Variants in NBEAL2 observed in about 807,000 individuals in gnomAD.
The protein encoded by NBEAL2 is neurobeachin like 2, also known as neurobeachin-like protein 2.
Under a neutral mutation model 299.8 loss-of-function variants are expected in NBEAL2, and 160 were observed. The ratio of observed to expected loss-of-function variants is 0.53; its 90% CI spans 0.47 to 0.61. NBEAL2 has a LOEUF of 0.61. Ranked by LOEUF, NBEAL2 falls within the 20% of genes least tolerant of loss-of-function variation. The pLI is 0.00. For missense variants in NBEAL2, 3,112 were observed against 3,649.0 expected (o/e 0.85, Z 3.79); for synonymous variants, 1,493 against 1,542.3 (o/e 0.97, Z 0.75).
Position 46,995,556 on chromosome 3 carries a change from C to T in NBEAL2, c.1821C>T (p.Ala607=), listed in dbSNP as rs1181921089. The T allele has an allele frequency of 6.2e-7, 1 of 1,612,822 alleles. No individual in the cohort carries two copies. The highest frequency in any genetic ancestry group is 8.5e-7 in the Non-Finnish European group (1 of 1,179,888). ...RWPGPGFTFH[A]WLCLHPMDTA... ...CAGGGCCTGGCTTCACCTTTCATGC[C>T]TGGCTCTGTCTGCACCCTATGGATA... Residue 607 remains alanine, a synonymous_variant, in exon 13 of 54, where the codon GCC becomes GCT. Coordinates refer to ENST00000450053, the MANE Select transcript of NBEAL2 (RefSeq NM_015175.3).
At chr3:46,998,341 G>A in intron 21 of NBEAL2, 115 bp downstream of exon 21, 2 of 1,516,148 alleles carry the variant, frequency 1.3e-6, no homozygotes, top group Non-Finnish European at 1.8e-6. Context: ...AGAATGCCAT[G>A]GGGCGGCTGA....
At chr3:47,006,473 C>G (rs1245196689) in intron 45 of NBEAL2, 24 bp downstream of exon 45, 3 of 1,547,658 alleles carry the variant, frequency 1.9e-6, no homozygotes, top group Non-Finnish European at 2.6e-6. Flanking sequence ...AAGACCTCAA[C>G]TTTATATTCT....
chr3:46,997,482 AG>A (rs1236157475), intron 19 of NBEAL2, 49 bp downstream of exon 19: 1 of 1,594,430 alleles, frequency 6.3e-7, no homozygotes, highest in East Asian at 2.3e-5. Flanking sequence ...TTGGCATGGT[AG>A]GGGGGTGGAA....
In NBEAL2 at chr3:47,005,473, C is replaced by T. The variant is rs546765224; in HGVS notation, c.6561-16C>T. The T allele has an allele frequency of 1.6e-5, 26 of 1,609,162 alleles. No homozygotes were observed. Among genetic ancestry groups the T allele is most frequent in the African/African-American group, 1.1e-4 (8 of 74,878 alleles). On this transcript the variant is annotated splice_polypyrimidine_tract_variant and intron_variant, in intron 40 of 53. Coordinates refer to ENST00000450053, the MANE Select transcript of NBEAL2 (RefSeq NM_015175.3). ...CATTCTCCCCACCTCACCTTGGCCC[C>T]GTGCCCCTCCCCCAGCTTTGACTGC...
Position 47,005,105 on chromosome 3 carries a change from G to T in NBEAL2, c.6419+9G>T. 6.2e-7 allele frequency: 1 copy of T among 1,613,900 alleles called. No individual in the cohort carries two copies. The highest frequency in any genetic ancestry group is 8.5e-7 in the Non-Finnish European group (1 of 1,179,896). On this transcript the variant is annotated intron_variant, in intron 39 of 53. Transcript: ENST00000450053. ...CAGCTCGTGAGGGAGAAGTGAGCAT[G>T]TGGGCAGGGCTGGGCTCAGCGGGTA...
chr3:47,001,915 CACAGCTGCAT>C lies in NBEAL2; in HGVS notation c.4783-4_4788del. The C allele has an allele frequency of 6.2e-7, 1 of 1,604,548 alleles. No homozygotes were observed. The highest frequency in any genetic ancestry group is 8.5e-7 in the Non-Finnish European group (1 of 1,173,450). On this transcript the variant is annotated splice_acceptor_variant and splice_polypyrimidine_tract_variant and coding_sequence_variant and intron_variant, in exon 31 of 54. Transcript: ENST00000450053. LOFTEE classifies it high-confidence loss of function. The surrounding 1 kb of genome is among the most constrained non-coding windows in gnomAD (Gnocchi z 6.1). The stretch of plus-strand genomic sequence containing the variant: ...GGGTGCCACTCATCTCTCTTGCGCC[CACAGCTGCAT>C]GCCCAGGCCTACGTGAGATTGCACA...
Position 47,009,296 on chromosome 3 carries a change from A to G in NBEAL2, c.8241A>G (p.Glu2747=). ...RISQVSSGET[E]YNPTEAR ...CCCAGGTGTCCTCGGGAGAGACGGA[A>G]TACAACCCTACTGAGGCGCGCTGAA... The change falls in exon 54 of 54, where the codon GAA becomes GAG. Residue 2747 remains glutamate, a synonymous_variant. Transcript: ENST00000450053. 1 of 1,600,746 alleles carries G rather than the reference A, an allele frequency of 6.2e-7. No individual in the cohort carries two copies.
Position 47,000,888 on chromosome 3 carries a change from C to A in NBEAL2, c.4306-113C>A. 6.8e-7 allele frequency: 1 copy of A among 1,466,210 alleles called. No homozygotes were observed. The highest frequency in any genetic ancestry group is 1.3e-5 in the South Asian group (1 of 78,814). 90.8% of individuals were successfully genotyped at this position (1,466,210 alleles called of 1,614,324 possible). ...GCTCACTGTTAGCCAAATGCTCTGA[C>A]TCCTGGGTGGCTACCCCAGGAGGGG... On this transcript the variant is annotated intron_variant, in intron 27 of 53. Transcript: ENST00000450053. This position sits in a 1 kb window ranked among gnomAD's most constrained non-coding sequence, Gnocchi z 4.5.
At position 46,989,078 on chromosome 3, in the gene NBEAL2, C is replaced by T. The variant is rs376130777; in HGVS notation, c.270-7C>T. The T allele has an allele frequency of 7.4e-6, 12 of 1,613,306 alleles. No individual in the cohort carries two copies. In the Admixed American group the frequency reaches 1.8e-4, roughly 25 times the overall value. On this transcript the variant is annotated splice_region_variant and splice_polypyrimidine_tract_variant and intron_variant, in intron 3 of 53. Coordinates refer to ENST00000450053, the MANE Select transcript of NBEAL2 (RefSeq NM_015175.3). This position sits in a 1 kb window ranked among gnomAD's most constrained non-coding sequence, Gnocchi z 5.5. ...ATTGTGACCTCTCTCATCATTGACT[C>T]CCCCAGGAACCTGGAGAACATAGAG...
In NBEAL2 at chr3:46,998,867, C is replaced by A; in HGVS notation, c.3372C>A (p.Gly1124=). ...QTMLSFLAAT[G]DDGQAVGALD... ...TGCTGAGCTTTTTGGCGGCCACAGG[C>A]GATGACGGTCAGGTAGGCTGGAGGT... The change falls in exon 23 of 54, where the codon GGC becomes GGA. Residue 1124 remains glycine, a synonymous_variant. Coordinates refer to ENST00000450053, the MANE Select transcript of NBEAL2 (RefSeq NM_015175.3). The A allele has an allele frequency of 6.3e-7, 1 of 1,590,298 alleles. No homozygotes were observed. The highest frequency in any genetic ancestry group is 1.8e-5 in the Admixed American group (1 of 56,012).
In NBEAL2 at chr3:47,001,040, G is replaced by A. The variant is rs752327554; in HGVS notation, c.4345G>A (p.Val1449Met). The change falls in exon 28 of 54, where the codon GTG becomes ATG. Residue 1449 changes from valine (V) to methionine (M), a missense_variant. This residue lies in a region of NBEAL2 where 2,243 missense variants were observed against 2,538.1 expected (regional missense o/e 0.88). Transcript: ENST00000450053. This position sits in a 1 kb window ranked among gnomAD's most constrained non-coding sequence, Gnocchi z 6.1. ...EEELCNLLTNVLFSVTWRGVE... is the reference protein window; with the variant it reads ...EEELCNLLTNMLFSVTWRGVE... ...AGAGTTGTGCAATCTGCTCACCAAC[G>A]TGCTGTTCTCGGTGACGTGGCGTGG... is the stretch of plus-strand genomic sequence containing the variant. 2.2e-5 allele frequency: 35 copies of A among 1,612,424 alleles called. No individual in the cohort carries two copies. Among genetic ancestry groups the A allele is most frequent in the South Asian group, 3.3e-5 (3 of 90,732 alleles).
rs1368483254 is a variant in NBEAL2, at chr3:46,995,037, G to A, written c.1302G>A (p.Val434=). 11 of 1,543,798 alleles carry A rather than the reference G, an allele frequency of 7.1e-6. No individual in the cohort carries two copies. Among genetic ancestry groups the A allele is most frequent in the Non-Finnish European group, 8.8e-6 (10 of 1,137,876 alleles). Residue 434 remains valine (V), a synonymous_variant, in exon 13 of 54, where the codon GTG becomes GTA. Coordinates refer to ENST00000450053, the MANE Select transcript of NBEAL2 (RefSeq NM_015175.3). ...RLLQELLNMA[V]EGDHSMCPPP... ...GTCATTCTCTCCACCCACAGGCTGTGGAGGGTGACCACAGCATGTGCCCAC... is the reference window on the plus strand; with the variant it reads ...GTCATTCTCTCCACCCACAGGCTGTAGAGGGTGACCACAGCATGTGCCCAC...
Position 47,007,325 on chromosome 3 carries a change from A to C in NBEAL2, c.7309A>C (p.Lys2437Gln). 6.2e-7 allele frequency: 1 copy of C among 1,609,812 alleles called. No individual in the cohort carries two copies. The highest frequency in any genetic ancestry group is 8.5e-7 in the Non-Finnish European group (1 of 1,178,168). ...CATAAGCAACTACTTCAGCTTCAGC[A>C]AAGACCCCACCATGGGCAGCCACAA... ...RNISNYFSFSKDPTMGSHKTQ... is the reference protein window; with the variant it reads ...RNISNYFSFSQDPTMGSHKTQ... The change falls in exon 47 of 54, where the codon AAA (lysine) becomes CAA (glutamine). Residue 2437 changes from lysine (K) to glutamine (Q), a missense_variant. By Grantham distance (53) the Lys-to-Gln change is moderately conservative. Coordinates refer to ENST00000450053, the MANE Select transcript of NBEAL2 (RefSeq NM_015175.3).
At chr3:46,999,798 G>A in intron 26 of NBEAL2, 83 bp downstream of exon 26, 3 of 1,591,782 alleles carry the variant, frequency 1.9e-6, no homozygotes, top group Non-Finnish European at 2.6e-6. Flanking sequence ...TCTCATGAGG[G>A]GTCTCTGGAG....
In NBEAL2 at chr3:46,991,508, C is replaced by T; in HGVS notation, c.745C>T (p.Leu249=). ...AGCCCCGGACCCGTGCCTAGTGCCA[C>T]TGGCTCTAGAGGCACTGGTAGGTGC... The part of the protein sequence containing the change: ...GPAPDPCLVP[L]ALEALVGAVH... The change falls in exon 8 of 54, where the codon CTG becomes TTG. Residue 249 remains leucine (L), a synonymous_variant. Transcript: ENST00000450053. This position sits in a 1 kb window ranked among gnomAD's most constrained non-coding sequence, Gnocchi z 6.2. 1 of 1,611,728 alleles carries T rather than the reference C, an allele frequency of 6.2e-7. No homozygotes were observed. Among genetic ancestry groups the T allele is most frequent in the Non-Finnish European group, 8.5e-7 (1 of 1,179,880 alleles).
Position 47,008,810 on chromosome 3 carries a change from G to T in NBEAL2, c.8027+142G>T. 8.3e-6 allele frequency: 12 copies of T among 1,446,344 alleles called. No homozygotes were observed. In the South Asian group the frequency reaches 1.4e-4, roughly 16 times the overall value. The allele number at this position is 1,446,344 out of a possible 1,614,324, so 89.6% of individuals were successfully genotyped here. A position where few individuals can be genotyped will look rare whatever the true frequency, so the allele number is the denominator to read the frequency against. On this transcript the variant is annotated intron_variant, in intron 52 of 53. Transcript: ENST00000450053. ...TACCTGTCCCTTCATCTTCCCATGG[G>T]GAGGTCTTGCCCTGGGCCTCCGCTT...
At position 47,009,239 on chromosome 3, in the gene NBEAL2, G is replaced by A; in HGVS notation, c.8184G>A (p.Ala2728=). ...QPSEVRSSQF[A]RKLWRSSRRI... is the part of the protein sequence containing the mutation. ...ACCAGGTGCGCAGCAGCCAGTTCGC[G>A]CGGAAGCTGTGGCGGTCCTCGCGGC... is the stretch of plus-strand genomic sequence containing the variant. Residue 2728 remains alanine (A), a synonymous_variant, in exon 54 of 54, where the codon GCG becomes GCA. Transcript: ENST00000450053. 1.2e-6 allele frequency: 2 copies of A among 1,600,612 alleles called. No individual in the cohort carries two copies. Among genetic ancestry groups the A allele is most frequent in the Non-Finnish European group, 1.7e-6 (2 of 1,175,054 alleles).
chr3:47,008,267 A>T lies in NBEAL2; in HGVS notation c.7720-16A>T. On this transcript the variant is annotated splice_polypyrimidine_tract_variant and intron_variant, in intron 50 of 53. Coordinates refer to ENST00000450053, the MANE Select transcript of NBEAL2 (RefSeq NM_015175.3). ...GCCCAGACTCCTGCCCAGGACCCTA[A>T]GTTGCCTTCCTGCAGGATGGAACTG... 1 of 1,613,174 alleles carries T rather than the reference A, an allele frequency of 6.2e-7. No homozygotes were observed. Among genetic ancestry groups the T allele is most frequent in the African/African-American group, 1.3e-5 (1 of 75,038 alleles).
chr3:46,984,219 T>A (rs1367751610), intron 1 of NBEAL2, among the ~76,000 whole-genome samples: 1 of 151,440 alleles, frequency 6.6e-6, no homozygotes, highest in African/African-American at 2.4e-5. Context: ...GGCAGGAGAA[T>A]GGTGTGAACC....
Sources: allele counts gnomAD v4.1 joint callset (sites outside exome capture counted in the v4.1 genomes callset), GRCh38; gene constraint gnomAD v4.1.1; regional missense constraint gnomAD v4.1.1; non-coding constraint Gnocchi (gnomAD v3.1); transcripts MANE v1.5; gene names NCBI Gene and HGNC (gene_info 2026-07-23, HGNC 2026-07-21).